The following NCF4 variants were observed in gnomAD, a reference collection of about 807,000 sequenced individuals.
The protein encoded by NCF4 is neutrophil cytosolic factor 4.
In NCF4, 30 loss-of-function variants were observed where a neutral mutation model predicts 41.7. That is an observed-to-expected ratio of 0.72 (90% CI 0.54 to 0.97). NCF4 has a LOEUF of 0.97. Ranked by LOEUF, NCF4 falls within the 50% of genes least tolerant of loss-of-function variation. The probability of loss-of-function intolerance (pLI) is 0.00; values close to 1 mark genes in which losing one functional copy is unlikely to be tolerated. For missense variants in NCF4, 432 were observed against 460.9 expected, an observed-to-expected ratio of 0.94 and a Z score of 0.57; for synonymous variants, 195 against 175.8, an observed-to-expected ratio of 1.11 and a Z score of -0.87.
Position 36,875,698 on chromosome 22 carries a change from A to T in NCF4, c.673A>T (p.Lys225Ter). 6.2e-7 allele frequency: 1 copy of T among 1,613,364 alleles called. No homozygotes were observed. Among genetic ancestry groups the T allele is most frequent in the Non-Finnish European group, 8.5e-7 (1 of 1,180,026 alleles). The change falls in exon 8 of 10, where the codon AAG becomes TAG. Residue 225 changes from lysine to a stop codon, truncating the protein, a stop_gained. Coordinates refer to ENST00000248899, the MANE Select transcript of NCF4 (RefSeq NM_000631.5). LOFTEE classifies it high-confidence loss of function. The part of the protein sequence containing the change: ...ATGIFPLSFV[K>*]ILKDFPEEDD... ...GGGCATCTTCCCTCTCTCCTTCGTG[A>T]AGATCCTCAAAGACTTCCCTGAGGA...
chr22:36,876,234 G>A (rs746917564), intron 9 of NCF4, 140 bp downstream of exon 9: 18 of 898,344 alleles, frequency 2.0e-5, no homozygotes, highest in Non-Finnish European at 2.8e-5. Context: ...CAGCCCTGCA[G>A]GTTAGGCAGC....
intron 5 of NCF4, among the ~76,000 whole-genome samples, chr22:36,870,848 G>C (rs1416452901): frequency 6.6e-6 from 1 of 152,072 alleles, no homozygotes; most frequent in Non-Finnish European, 1.5e-5. Context: ...GGAAAGAATT[G>C]GGGGCAGAGA....
rs377257592 is a variant in NCF4 at position 36,875,799 on chromosome 22, G to T, written c.758+16G>T. 6.2e-7 allele frequency: 1 copy of T among 1,614,182 alleles called. No individual in the cohort carries two copies. Among genetic ancestry groups the T allele is most frequent in the South Asian group, 1.1e-5 (1 of 91,088 alleles). On this transcript the variant is annotated intron_variant, in intron 8 of 9. Coordinates refer to ENST00000248899, the MANE Select transcript of NCF4 (RefSeq NM_000631.5). ...GCACCATCAAGTCTGTGGCCTGGGA[G>T]GGAGGGGCCTGTCCAGCCTTCCTGC...
intron 9 of NCF4, 78 bp from the exon 10 acceptor site, chr22:36,877,550 T>A: frequency 6.7e-7 from 1 of 1,500,346 alleles, no homozygotes; most frequent in Non-Finnish European, 9.3e-7. Flanking sequence ...CTTCAGGACA[T>A]AAAACCCTTT....
At chr22:36,870,116 T>C in intron 4 of NCF4, 2 of 438,856 alleles carry the variant, frequency 4.6e-6, no homozygotes, top group African/African-American at 2.0e-5. Context: ...CGCCGGGTCA[T>C]GTTAGTTGTC....
rs773477832 is a variant in NCF4, at chr22:36,872,422, G to A, written c.624G>A (p.Leu208=). ...TCAGTCGGATCAACAAAGACTGGCT[G>A]GAGGTGAGTTCAGAAGTGAGGATGG... ...FLLSRINKDW[L]EGTVRGATGI... Residue 208 remains leucine, a synonymous_variant, in exon 7 of 10, where the codon CTG becomes CTA. Transcript: ENST00000248899. The A allele has an allele frequency of 6.2e-7, 1 of 1,602,992 alleles. No homozygotes were observed. Among genetic ancestry groups the A allele is most frequent in the Non-Finnish European group, 8.5e-7 (1 of 1,169,880 alleles).
At chr22:36,862,094 G>A (rs570202557) in intron 1 of NCF4, among the ~76,000 whole-genome samples, 1 of 152,314 alleles carries the variant, frequency 6.6e-6, no homozygotes, top group East Asian at 1.9e-4. Context: ...TTTTTCCTCA[G>A]TAGCCAGGTC....
rs1940227343 is a variant in NCF4 at position 36,877,800 on chromosome 22, A to G, written c.997A>G (p.Arg333Gly). 8 of 1,613,922 alleles carry G rather than the reference A, an allele frequency of 5.0e-6. No homozygotes were observed. The East Asian group carries it at 1.6e-4, about 31-fold the overall frequency. The change falls in exon 10 of 10, where the codon AGG (arginine) becomes GGG (glycine). Residue 333 changes from arginine to glycine, a missense_variant. Coordinates refer to ENST00000248899, the MANE Select transcript of NCF4 (RefSeq NM_000631.5). The stretch of plus-strand genomic sequence containing the variant: ...GCACATCACGCAGAAGGACAACTAC[A>G]GGGTCTACAACACGATGCCATGAGC... ...KLHITQKDNY[R>G]VYNTMP
At position 36,876,077 on chromosome 22, in the gene NCF4, C is replaced by A; in HGVS notation, c.807C>A (p.Asp269Glu). 1 of 1,609,240 alleles carries A rather than the reference C, an allele frequency of 6.2e-7. No homozygotes were observed. The highest frequency in any genetic ancestry group is 8.5e-7 in the Non-Finnish European group (1 of 1,176,812). Reference sequence around the variant, plus strand: ...TCAGCAGCACTCCCCTATTGAAAGACCTGCTGGAGCTCACAAGGTGAGGGG... The same window carrying A: ...TCAGCAGCACTCCCCTATTGAAAGAACTGCTGGAGCTCACAAGGTGAGGGG... ...EDLSSTPLLKDLLELTRREFQ... is the reference protein window; with the variant it reads ...EDLSSTPLLKELLELTRREFQ... Residue 269 changes from aspartate to glutamate, a missense_variant, in exon 9 of 10, where the codon GAC becomes GAA. Transcript: ENST00000248899.
In NCF4 at chr22:36,872,329, T is replaced by C; in HGVS notation, c.531T>C (p.Ala177=). Residue 177 remains alanine (A), a splice_region_variant and synonymous_variant, in exon 7 of 10, where the codon GCT becomes GCC. Coordinates refer to ENST00000248899, the MANE Select transcript of NCF4 (RefSeq NM_000631.5). The stretch of plus-strand genomic sequence containing the variant: ...CCTTACTGCACGCTTCTCCTCAGGC[T>C]CTATTTGACTTCACTGGAAACAGCA... The part of the protein sequence containing the change: ...VDRMAAPRAE[A]LFDFTGNSKL... The C allele has an allele frequency of 6.2e-7, 1 of 1,601,646 alleles. No individual in the cohort carries two copies. The highest frequency in any genetic ancestry group is 8.6e-7 in the Non-Finnish European group (1 of 1,168,550).
Position 36,877,886 on chromosome 22 carries a change from T to C in NCF4, c.*63T>C, listed in dbSNP as rs781057169. On this transcript the variant is annotated 3_prime_UTR_variant, in exon 10 of 10. Transcript: ENST00000248899. ...AAAAACCTTCAGCTCTCAGAGGAGA[T>C]TGGGACCAGGAAAACCTGGGAGGAT... 5.6e-5 allele frequency: 85 copies of C among 1,515,610 alleles called. No individual in the cohort carries two copies. Among genetic ancestry groups the C allele is most frequent in the African/African-American group, 1.7e-4 (12 of 72,084 alleles). The allele number at this position is 1,515,610 out of a possible 1,614,324, so 93.9% of individuals were successfully genotyped here.
Position 36,867,462 on chromosome 22 carries a change from G to A in NCF4, c.342G>A (p.Lys114=). 6.2e-7 allele frequency: 1 copy of A among 1,614,180 alleles called. No individual in the cohort carries two copies. The highest frequency in any genetic ancestry group is 8.5e-7 in the Non-Finnish European group (1 of 1,180,016). Residue 114 remains lysine (K), a splice_region_variant and synonymous_variant, in exon 4 of 10, where the codon AAG becomes AAA. Coordinates refer to ENST00000248899, the MANE Select transcript of NCF4 (RefSeq NM_000631.5). ...MRIPALNAYM[K]SLLSLPVWVL... is the part of the protein sequence containing the mutation. ...TACCTGCCCTCAACGCCTACATGAA[G>A]GTACCAGTGGGCCTTGCCACCTTGG...
In NCF4 at chr22:36,871,713, A is replaced by C; in HGVS notation, c.528+4A>C. On this transcript the variant is annotated splice_donor_region_variant and intron_variant, in intron 6 of 9. Coordinates refer to ENST00000248899, the MANE Select transcript of NCF4 (RefSeq NM_000631.5). ...CATGGCAGCTCCGAGAGCAGAGGTA[A>C]CCCCCGCCCCCACGCTGGCCAGGCT... The C allele has an allele frequency of 6.4e-7, 1 of 1,559,654 alleles. No individual in the cohort carries two copies.
At chr22:36,875,867 C>T (rs2145727085) in intron 8 of NCF4, 84 bp downstream of exon 8, 1 of 1,614,102 alleles carries the variant, frequency 6.2e-7, no homozygotes, top group South Asian at 1.1e-5. Flanking sequence ...TCTCATGGGT[C>T]CCTCTCCCAC....
intron 9 of NCF4, among the ~76,000 whole-genome samples, chr22:36,876,892 T>A (rs940342343): frequency 1.1e-4 from 17 of 152,162 alleles, no homozygotes; most frequent in Non-Finnish European, 1.9e-4. Context: ...GGTAGAAAGC[T>A]CAGATCAATT....
At position 36,877,656 on chromosome 22, in the gene NCF4, C is replaced by G. The variant is rs1940222366; in HGVS notation, c.853C>G (p.Leu285Val). 6.2e-7 allele frequency: 1 copy of G among 1,614,050 alleles called. No individual in the cohort carries two copies. Among genetic ancestry groups the G allele is most frequent in the African/African-American group, 1.3e-5 (1 of 74,908 alleles). Residue 285 changes from leucine to valine, a missense_variant, in exon 10 of 10, where the codon CTG becomes GTG. Transcript: ENST00000248899. ...GGAGTTCCAGAGAGAGGACATAGCT[C>G]TGAATTACCGGGACGCTGAGGGGGA... ...RREFQREDIA[L>V]NYRDAEGDLV...
intron 2 of NCF4, among the ~76,000 whole-genome samples, 176 bp from the exon 3 acceptor site, chr22:36,864,743 C>T (rs1037959899): frequency 4.0e-5 from 6 of 150,682 alleles, no homozygotes; most frequent in Non-Finnish European, 5.9e-5. Context: ...TCGCAAAGCT[C>T]GTCTGCTTCT....
At chr22:36,872,497 G>A (rs754668121) in intron 7 of NCF4, 72 bp downstream of exon 7, 4 of 1,334,336 alleles carry the variant, frequency 3.0e-6, no homozygotes, top group Non-Finnish European at 4.3e-6. Context: ...GAAGATAGAG[G>A]TGAGGGTGGA....
At chr22:36,867,505 A>C in intron 4 of NCF4, 43 bp downstream of exon 4, 2 of 1,605,202 alleles carry the variant, frequency 1.2e-6, no homozygotes, top group Non-Finnish European at 8.5e-7. Flanking sequence ...AAGGGCATGC[A>C]GTATTGGTGG....
Sources: allele counts gnomAD v4.1 joint callset (sites outside exome capture counted in the v4.1 genomes callset), GRCh38; gene constraint gnomAD v4.1.1; transcripts MANE v1.5; gene names NCBI Gene and HGNC (gene_info 2026-07-23, HGNC 2026-07-21).